SGCZ: variants seen among roughly 807,000 people sequenced by gnomAD.
SGCZ encodes zeta-sarcoglycan.
A neutral mutation model predicts 41.3 loss-of-function variants in SGCZ; 40 were observed. That is an observed-to-expected ratio of 0.97 (90% CI 0.75 to 1.26). SGCZ has a LOEUF of 1.26. Ranked by LOEUF, SGCZ falls within the 50% of genes most tolerant of loss-of-function variation. The probability of loss-of-function intolerance (pLI) is 0.00; values close to 1 mark genes in which losing one functional copy is unlikely to be tolerated. For synonymous variants in SGCZ, 206 were observed against 137.5 expected (o/e 1.50, Z -3.49); for missense variants, 552 against 369.8 (o/e 1.49, Z -4.04).
At chr8:15,172,376 G>A (rs898600573) in intron 1 of SGCZ, among the ~76,000 whole-genome samples, 4 of 150,828 alleles carry the variant, frequency 2.7e-5, no homozygotes, top group Non-Finnish European at 5.9e-5. Context: ...CAGCCAGGAT[G>A]GTCTCGATCT....
chr8:14,213,704 A>G (rs190514062), intron 4 of SGCZ, among the ~76,000 whole-genome samples: 9 of 152,240 alleles, frequency 5.9e-5, no homozygotes, highest in Non-Finnish European at 1.2e-4. Context: ...GTTTAAAAAT[A>G]TCAAGTTTGA....
intron 1 of SGCZ, among the ~76,000 whole-genome samples, chr8:14,784,902 C>CAAAAAAAAAAAAAAAAAAAAAAAA (rs1182679983): frequency 2.5e-5 from 1 of 39,586 alleles, no homozygotes; most frequent in African/African-American, 1.3e-4. Flanking sequence ...AACTCTGCCT[C>CAAAAAAAAAAAAAAAAAAAAAAAA]AAAAAAAAAA....
At chr8:14,127,395 G>C (rs1802894336) in intron 5 of SGCZ, among the ~76,000 whole-genome samples, 1 of 152,046 alleles carries the variant, frequency 6.6e-6, no homozygotes, top group African/African-American at 2.4e-5. Flanking sequence ...ATGCCAATAT[G>C]TTACCAATCT....
intron 3 of SGCZ, among the ~76,000 whole-genome samples, chr8:14,256,199 T>A (rs899792922): frequency 4.6e-5 from 7 of 152,140 alleles, no homozygotes; most frequent in Non-Finnish European, 1.5e-5. Context: ...ACCATAACCT[T>A]GGAGCCCAGG....
At chr8:14,852,634 AT>A (rs1407350864) in intron 1 of SGCZ, among the ~76,000 whole-genome samples, 1 of 152,202 alleles carries the variant, frequency 6.6e-6, no homozygotes, top group African/African-American at 2.4e-5. Context: ...TGCACGCCAG[AT>A]GCCTATAGTC....
intron 2 of SGCZ, among the ~76,000 whole-genome samples, chr8:14,492,844 A>G (rs1801880077): frequency 6.6e-6 from 1 of 152,158 alleles, no homozygotes; most frequent in African/African-American, 2.4e-5. Flanking sequence ...ACCTCTACCT[A>G]CACCTGACAT....
At chr8:14,320,919 G>C (rs1801896541) in intron 3 of SGCZ, among the ~76,000 whole-genome samples, 1 of 152,040 alleles carries the variant, frequency 6.6e-6, no homozygotes, top group Admixed American at 6.6e-5. Flanking sequence ...GTTAGAAGTA[G>C]TTAAATGTAT....
intron 1 of SGCZ, among the ~76,000 whole-genome samples, chr8:15,061,091 G>T (rs1804907320): frequency 6.7e-6 from 1 of 149,922 alleles, no homozygotes. Flanking sequence ...CACCAAAAAT[G>T]AGAAATGTTA....
At chr8:14,588,966 G>C (rs886931978) in intron 1 of SGCZ, among the ~76,000 whole-genome samples, 1 of 152,078 alleles carries the variant, frequency 6.6e-6, no homozygotes, top group Non-Finnish European at 1.5e-5. Flanking sequence ...ATTTGCTATG[G>C]TGTATGATGA....
intron 1 of SGCZ, among the ~76,000 whole-genome samples, chr8:14,559,839 C>G (rs1203567945): frequency 2.0e-5 from 3 of 152,124 alleles, no homozygotes; most frequent in Admixed American, 6.6e-5. Context: ...TATTTATTAT[C>G]ATTATTATTT....
chr8:14,187,762 G>T (rs774846480), intron 4 of SGCZ, among the ~76,000 whole-genome samples: 37 of 151,678 alleles, frequency 2.4e-4, no homozygotes, highest in Non-Finnish European at 4.9e-4. Context: ...GAAAGGAGAA[G>T]AAAACATTCA....
intron 3 of SGCZ, among the ~76,000 whole-genome samples, chr8:14,286,072 A>T (rs1022519566): frequency 6.7e-6 from 1 of 149,464 alleles, no homozygotes; most frequent in African/African-American, 2.5e-5. Flanking sequence ...AATGCAGTCA[A>T]TGTATTTTGT....
intron 5 of SGCZ, among the ~76,000 whole-genome samples, chr8:14,110,059 A>C (rs1265837670): frequency 6.6e-6 from 1 of 151,866 alleles, no homozygotes; most frequent in East Asian, 1.9e-4. Flanking sequence ...TATTCTTTTG[A>C]TATTTTGGAA....
intron 1 of SGCZ, among the ~76,000 whole-genome samples, chr8:14,668,728 A>G (rs1401012634): frequency 6.6e-6 from 1 of 152,190 alleles, no homozygotes; most frequent in Admixed American, 6.5e-5. Flanking sequence ...AAGAATTTAT[A>G]TGAGGGGGTG....
intron 1 of SGCZ, among the ~76,000 whole-genome samples, chr8:14,586,083 T>A (rs959876534): frequency 2.0e-5 from 3 of 152,228 alleles, no homozygotes; most frequent in African/African-American, 7.2e-5. Context: ...GACTAGTTAA[T>A]CCTATTAACT....
chr8:14,125,865 C>T (rs995591276), intron 5 of SGCZ, among the ~76,000 whole-genome samples: 1 of 152,134 alleles, frequency 6.6e-6, no homozygotes, highest in African/African-American at 2.4e-5. Context: ...CAAAAACAAG[C>T]AATGGGAAAA....
At chr8:15,163,826 A>T (rs2117046571) in intron 1 of SGCZ, among the ~76,000 whole-genome samples, 1 of 152,342 alleles carries the variant, frequency 6.6e-6, no homozygotes, top group African/African-American at 2.4e-5. Flanking sequence ...TGTCCAAAAG[A>T]AAAATTCAAC....
chr8:15,076,391 G>A (rs1334824846), intron 1 of SGCZ, among the ~76,000 whole-genome samples: 1 of 152,122 alleles, frequency 6.6e-6, no homozygotes, highest in Non-Finnish European at 1.5e-5. Context: ...GAGAAAAGGA[G>A]AGAAAACTGT....
At chr8:14,119,976 G>T (rs1802649464) in intron 5 of SGCZ, among the ~76,000 whole-genome samples, 1 of 152,042 alleles carries the variant, frequency 6.6e-6, no homozygotes, top group African/African-American at 2.4e-5. Flanking sequence ...GTATTTTTTT[G>T]AGGATTTTTG....
Sources: gnomAD v4.1 joint callset for allele counts (sites outside exome capture counted in the v4.1 genomes callset) on GRCh38, gnomAD v4.1.1 for gene constraint, MANE v1.5 for transcripts, NCBI Gene and HGNC (gene_info 2026-07-23, HGNC 2026-07-21) for gene names.